Variants in RIMS1 observed in about 807,000 individuals in gnomAD.
RIMS1 encodes regulating synaptic membrane exocytosis 1.
Under a neutral mutation model 214.1 loss-of-function variants are expected in RIMS1, and 83 were observed. The observed-to-expected ratio is 0.39, with a 90% CI of 0.32 to 0.47. The LOEUF is 0.47. RIMS1 is among the 20% of genes least tolerant of loss of function. The probability of loss-of-function intolerance (pLI) is 0.99; values close to 1 mark genes in which losing one functional copy is unlikely to be tolerated. For synonymous variants in RIMS1, 793 were observed against 786.8 expected, an observed-to-expected ratio of 1.01 and a Z score of -0.13; for missense variants, 2,050 against 2,161.8, an observed-to-expected ratio of 0.95 and a Z score of 1.03.
intron 29 of RIMS1, among the ~76,000 whole-genome samples, chr6:72,357,046 A>G (rs2097670330): frequency 2.0e-5 from 3 of 152,226 alleles, no homozygotes; most frequent in Admixed American, 6.5e-5. Context: ...AGGATAAAGC[A>G]CAGCTAAATA....
chr6:72,284,249 C>A, intron 24 of RIMS1, 131 bp downstream of exon 24: 1 of 618,378 alleles, frequency 1.6e-6, no homozygotes, highest in South Asian at 2.5e-5. Context: ...TGTAACTAAA[C>A]CTACCCCTAA....
intron 29 of RIMS1, among the ~76,000 whole-genome samples, chr6:72,389,094 G>T (rs371341775): frequency 1.1e-4 from 17 of 152,248 alleles, no homozygotes; most frequent in African/African-American, 3.9e-4. Flanking sequence ...GAGGTCTAGG[G>T]ATTGTCTATT....
At chr6:72,133,553 G>A (rs1359073822) in intron 4 of RIMS1, among the ~76,000 whole-genome samples, 1 of 152,130 alleles carries the variant, frequency 6.6e-6, no homozygotes, top group Non-Finnish European at 1.5e-5. Flanking sequence ...TGCAGCATGA[G>A]CAAATAAATC....
intron 2 of RIMS1, among the ~76,000 whole-genome samples, chr6:71,995,284 C>T (rs1266152984): frequency 6.6e-6 from 1 of 152,046 alleles, no homozygotes; most frequent in Non-Finnish European, 1.5e-5. Flanking sequence ...AATTGAATTT[C>T]CAAATGTTAA....
intron 23 of RIMS1, among the ~76,000 whole-genome samples, chr6:72,277,377 C>T (rs1367085714): frequency 6.6e-6 from 1 of 151,074 alleles, no homozygotes; most frequent in Non-Finnish European, 1.5e-5. Context: ...GTCAGGAGAT[C>T]GAGACCATCC....
At chr6:71,983,945 G>C (rs12528110) in intron 2 of RIMS1, among the ~76,000 whole-genome samples, 17,852 of 152,040 alleles carry the variant, frequency 0.12, 1,250 homozygotes, top group South Asian at 0.19. Context: ...CCAATGTCTG[G>C]ATTTCATGGC....
intron 6 of RIMS1, among the ~76,000 whole-genome samples, chr6:72,210,101 A>G (rs1969529): frequency 0.18 from 26,848 of 152,036 alleles, 2,971 homozygotes; most frequent in Non-Finnish European, 0.25. Flanking sequence ...AGTCCCTTTT[A>G]TTACAGAAAC....
intron 29 of RIMS1, chr6:72,366,787 C>G (rs937646334): frequency 1.5e-5 from 15 of 985,592 alleles, no homozygotes; most frequent in East Asian, 1.1e-4. Context: ...TTATTTAAAC[C>G]AGGTCAAAGC....
At chr6:71,999,571 G>A (rs1223533189) in intron 2 of RIMS1, among the ~76,000 whole-genome samples, 8 of 152,060 alleles carry the variant, frequency 5.3e-5, no homozygotes. Flanking sequence ...AACCTTGGAT[G>A]GTTTTAATAG....
chr6:71,974,498 T>C (rs1583890982), intron 2 of RIMS1, among the ~76,000 whole-genome samples: 1 of 152,178 alleles, frequency 6.6e-6, no homozygotes, highest in African/African-American at 2.4e-5. Flanking sequence ...TTTTCAGAGT[T>C]ATCATGGATT....
intron 25 of RIMS1, 98 bp from the exon 26 acceptor site, chr6:72,291,836 T>G: frequency 2.3e-6 from 2 of 858,514 alleles, no homozygotes; most frequent in Non-Finnish European, 3.9e-6. Context: ...AGTGAGGGGG[T>G]TTATGTCTAT....
chr6:72,162,821 T>A (rs2153936750), intron 4 of RIMS1, among the ~76,000 whole-genome samples: 1 of 140,298 alleles, frequency 7.1e-6, no homozygotes, highest in African/African-American at 2.5e-5. Flanking sequence ...GCCCTTAACA[T>A]TTTTTCCTTC....
At chr6:72,162,979 G>T (rs1477222300) in intron 4 of RIMS1, among the ~76,000 whole-genome samples, 5 of 133,096 alleles carry the variant, frequency 3.8e-5, no homozygotes, top group African/African-American at 1.2e-4. Context: ...ATCCTGCAGA[G>T]TGTTTTCCAA....
intron 7 of RIMS1, among the ~76,000 whole-genome samples, chr6:72,234,721 C>T (rs1170054624): frequency 6.6e-6 from 1 of 151,812 alleles, no homozygotes; most frequent in African/African-American, 2.4e-5. Flanking sequence ...CTTATTCATC[C>T]CTCTCTCCTT....
At chr6:72,198,805 T>C (rs963710140) in intron 6 of RIMS1, among the ~76,000 whole-genome samples, 1 of 151,910 alleles carries the variant, frequency 6.6e-6, no homozygotes, top group Non-Finnish European at 1.5e-5. Flanking sequence ...TTAATAAAAA[T>C]ATACAGAATC....
intron 2 of RIMS1, among the ~76,000 whole-genome samples, chr6:72,012,437 A>G (rs1811092331): frequency 1.3e-5 from 2 of 152,202 alleles, no homozygotes; most frequent in South Asian, 4.1e-4. Context: ...TATGTAACAA[A>G]CCTGCATGTT....
chr6:72,202,658 G>T lies in RIMS1; in HGVS notation c.1678+19509G>T, dbSNP rs143859277. On this transcript the variant is annotated intron_variant, in intron 6 of 33. Transcript: ENST00000521978. Reference sequence around the variant, plus strand: ...CCAAGTCCTGTAGATGTTTGTGTACGTACATGATAAATACTGATTTTGGCA... The same window carrying T: ...CCAAGTCCTGTAGATGTTTGTGTACTTACATGATAAATACTGATTTTGGCA... 9.9e-4 allele frequency among the ~76,000 whole-genome samples: 150 copies of T among 152,260 alleles called. 2 individuals are homozygous for T. The highest frequency in any genetic ancestry group is 3.4e-3 in the African/African-American group (141 of 41,548).
intron 4 of RIMS1, among the ~76,000 whole-genome samples, chr6:72,102,702 G>A (rs1252177153): frequency 1.3e-5 from 2 of 151,836 alleles, no homozygotes. Flanking sequence ...GTTGTCTGTG[G>A]GATGGTTGAT....
At position 72,378,788 on chromosome 6, in the gene RIMS1, G is replaced by A. The variant is rs544733443; in HGVS notation, c.4367-11810G>A. 6.4e-4 allele frequency among the ~76,000 whole-genome samples: 97 copies of A among 152,268 alleles called. 2 individuals carry two copies. The highest frequency in any genetic ancestry group is 5.2e-3 in the Admixed American group (80 of 15,288). The stretch of plus-strand genomic sequence containing the variant: ...TGGGGGATGGAGGTTGCAGTGAGCC[G>A]AGATCATGCCACTTCACTCCAGCCT... On this transcript the variant is annotated intron_variant, in intron 29 of 33. Coordinates refer to ENST00000521978, the MANE Select transcript of RIMS1 (RefSeq NM_014989.7).
Sources: allele counts gnomAD v4.1 joint callset (sites outside exome capture counted in the v4.1 genomes callset), GRCh38; gene constraint gnomAD v4.1.1; transcripts MANE v1.5; gene names NCBI Gene and HGNC (gene_info 2026-07-23, HGNC 2026-07-21).